The following MDH1B variants were observed in gnomAD, a reference collection of about 807,000 sequenced individuals.
The protein encoded by MDH1B is malate dehydrogenase 1B.
A neutral mutation model predicts 61.4 loss-of-function variants in MDH1B; 60 were observed. The observed-to-expected ratio is 0.98, with a 90% confidence interval of 0.79 to 1.21. The LOEUF is 1.21. Ranked by LOEUF, MDH1B falls within the 50% of genes most tolerant of loss-of-function variation. The probability of loss-of-function intolerance (pLI) is 0.00; values close to 1 mark genes in which losing one functional copy is unlikely to be tolerated. For synonymous variants in MDH1B, 236 were observed against 218.7 expected (o/e 1.08, Z -0.70); for missense variants, 587 against 632.1 (o/e 0.93, Z 0.76).
At chr2:206,750,895 T>G in intron 6 of MDH1B, 39 bp downstream of exon 6, 1 of 1,487,238 alleles carries the variant, frequency 6.7e-7, no homozygotes, top group Non-Finnish European at 9.1e-7. Flanking sequence ...ACATTTATTT[T>G]AACATTGTCA....
At chr2:206,739,763 C>T in intron 10 of MDH1B, 102 bp from the exon 11 acceptor site, 1 of 996,836 alleles carries the variant, frequency 1.0e-6, no homozygotes, top group Non-Finnish European at 1.5e-6. Flanking sequence ...TCTGAGGTTT[C>T]TCTGAATGCA....
At position 206,746,401 on chromosome 2, in the gene MDH1B, G is replaced by A. The variant is rs367748622; in HGVS notation, c.1242C>T (p.Ile414=). The A allele has an allele frequency of 1.4e-5, 23 of 1,613,222 alleles. No homozygotes were observed. Among genetic ancestry groups the A allele is most frequent in the East Asian group, 2.2e-5 (1 of 44,832 alleles). ...SEGQFGIPKG[I]VFSMPVKFEN... is the part of the protein sequence containing the mutation. ...CAAATTTCACAGGCATAGAAAAGAC[G>A]ATCCCTTTCGGAATACCAAACTGGC... The change falls in exon 8 of 12, where the codon ATC becomes ATT. Residue 414 remains isoleucine, a synonymous_variant. Coordinates refer to ENST00000374412, the MANE Select transcript of MDH1B (RefSeq NM_001039845.3).
chr2:206,746,909 C>T (rs1688141792), intron 7 of MDH1B, among the ~76,000 whole-genome samples: 1 of 152,130 alleles, frequency 6.6e-6, no homozygotes, highest in South Asian at 2.1e-4. Flanking sequence ...TGTGCGTTTG[C>T]TTCATGGGGG....
chr2:206,744,210 A>G (rs574753519), intron 9 of MDH1B, among the ~76,000 whole-genome samples: 1 of 152,294 alleles, frequency 6.6e-6, no homozygotes, highest in African/African-American at 2.4e-5. Context: ...AGCAGCCAAC[A>G]TTTACTCCTC....
chr2:206,740,614 G>GAT (rs941548764), intron 10 of MDH1B, among the ~76,000 whole-genome samples: 4 of 152,090 alleles, frequency 2.6e-5, no homozygotes, highest in South Asian at 2.1e-4. Flanking sequence ...TATATGATGA[G>GAT]ATATATATAC....
Position 206,738,484 on chromosome 2 carries a change from T to C in MDH1B, c.1556A>G (p.Ter519=). The part of the protein sequence containing the change: ...NEFEGKTVES[*] Reference sequence around the variant, plus strand: ...ATATATTTCATCCAATTTGATCTGTTAGGATTCCACGGTTTTGCCTTCAAA... The same window carrying C: ...ATATATTTCATCCAATTTGATCTGTCAGGATTCCACGGTTTTGCCTTCAAA... The change falls in exon 12 of 12, where the codon TAA becomes TGA. Residue 519 remains the stop codon, a stop_retained_variant. Transcript: ENST00000374412. 4 of 1,582,104 alleles carry C rather than the reference T, an allele frequency of 2.5e-6. No homozygotes were observed. The highest frequency in any genetic ancestry group is 3.5e-6 in the Non-Finnish European group (4 of 1,158,760).
intron 7 of MDH1B, among the ~76,000 whole-genome samples, chr2:206,747,169 AACAAC>A (rs1688163108): frequency 6.6e-6 from 1 of 151,840 alleles, no homozygotes; most frequent in East Asian, 1.9e-4. Context: ...AAAAACAAAC[AACAAC>A]AACAACAACA....
intron 6 of MDH1B, 88 bp downstream of exon 6, chr2:206,750,846 A>C: frequency 8.7e-7 from 1 of 1,152,850 alleles, no homozygotes; most frequent in Non-Finnish European, 1.2e-6. Context: ...ATTTTTGTAC[A>C]AAGATTTATG....
At position 206,755,330 on chromosome 2, in the gene MDH1B, T is replaced by C; in HGVS notation, c.589A>G (p.Ile197Val). 1 of 1,614,190 alleles carries C rather than the reference T, an allele frequency of 6.2e-7. No homozygotes were observed. The highest frequency in any genetic ancestry group is 1.1e-5 in the South Asian group (1 of 91,088). ...AAGGCCTCCTCCACCTTCGTGCAGA[T>C]GGAGACACTGCGCAGGACGGGAGAT... ...LASPVLRSVS[I>V]CTKVEEAFRQ... Residue 197 changes from isoleucine to valine, a missense_variant, in exon 5 of 12, where the codon ATC (isoleucine) becomes GTC (valine). Coordinates refer to ENST00000374412, the MANE Select transcript of MDH1B (RefSeq NM_001039845.3).
At chr2:206,744,947 TAAA>T (rs1023998800) in intron 9 of MDH1B, among the ~76,000 whole-genome samples, 1 of 141,760 alleles carries the variant, frequency 7.1e-6, no homozygotes, top group Non-Finnish European at 1.5e-5. Flanking sequence ...AATAAATAAA[TAAA>T]ATATATATAT....
chr2:206,743,629 T>G (rs1036365247), intron 9 of MDH1B, among the ~76,000 whole-genome samples: 1 of 152,194 alleles, frequency 6.6e-6, no homozygotes, highest in Non-Finnish European at 1.5e-5. Flanking sequence ...ATTTTAGATA[T>G]CACACAGGTA....
At chr2:206,749,818 G>GT (rs1688330537) in intron 6 of MDH1B, among the ~76,000 whole-genome samples, 1 of 152,214 alleles carries the variant, frequency 6.6e-6, no homozygotes, top group Non-Finnish European at 1.5e-5. Context: ...TTTTCCACTT[G>GT]TGGCATCATG....
chr2:206,764,365 T>A (rs1399851596), intron 1 of MDH1B, among the ~76,000 whole-genome samples: 4 of 151,946 alleles, frequency 2.6e-5, no homozygotes, highest in Admixed American at 2.6e-4. Flanking sequence ...AGAGATCAAA[T>A]AAGTCAAAGA....
chr2:206,740,203 G>T (rs1396621923), intron 10 of MDH1B, among the ~76,000 whole-genome samples: 1 of 152,046 alleles, frequency 6.6e-6, no homozygotes, highest in African/African-American at 2.4e-5. Flanking sequence ...CGTAACTTTT[G>T]ACTCCCCCAA....
rs189208827 is a variant in MDH1B at position 206,749,090 on chromosome 2, G to A, written c.1146C>T (p.Ala382=). 584 of 1,613,700 alleles carry A rather than the reference G, an allele frequency of 3.6e-4. No homozygotes were observed. The highest frequency in any genetic ancestry group is 1.7e-3 in the Middle Eastern group (10 of 6,060). ...FGGILAAHSI[A]TTLKYWYHGS... ...CATGGTACCAGTATTTCAGTGTAGT[G>A]GCTATACTGTGTGCAGCCAAAATGC... Residue 382 remains alanine (A), a synonymous_variant, in exon 7 of 12, where the codon GCC becomes GCT. Transcript: ENST00000374412.
In MDH1B at chr2:206,746,348, T is replaced by A; in HGVS notation, c.1295A>T (p.Asp432Val). ...TTCACTTATTTCAACATCTTTGAGA[T>A]CTGTAAGAACCACCCAAGTTCCATT... Reference protein sequence around the residue: ...FENGTWVVLTDLKDVEISEQI... With the variant: ...FENGTWVVLTVLKDVEISEQI... The change falls in exon 8 of 12, where the codon GAT (aspartate) becomes GTT (valine). Residue 432 changes from aspartate (D) to valine (V), a missense_variant. Coordinates refer to ENST00000374412, the MANE Select transcript of MDH1B (RefSeq NM_001039845.3). 6.2e-7 allele frequency: 1 copy of A among 1,613,930 alleles called. No individual in the cohort carries two copies. Among genetic ancestry groups the A allele is most frequent in the Non-Finnish European group, 8.5e-7 (1 of 1,179,932 alleles).
chr2:206,753,491 C>T (rs910742398), intron 5 of MDH1B, among the ~76,000 whole-genome samples: 21 of 152,110 alleles, frequency 1.4e-4, no homozygotes, highest in African/African-American at 4.6e-4. Context: ...AGAAGGAGTC[C>T]TGACGAGCCA....
Position 206,739,576 on chromosome 2 carries a change from T to C in MDH1B, c.1528+17A>G. On this transcript the variant is annotated intron_variant, in intron 11 of 11. Transcript: ENST00000374412. ...TAGAATAAGAAAATACTAGTTAATG[T>C]TTTGTCTACCACCTACCATTTAGGA... The C allele has an allele frequency of 6.2e-7, 1 of 1,609,140 alleles. No individual in the cohort carries two copies. Among genetic ancestry groups the C allele is most frequent in the Non-Finnish European group, 8.5e-7 (1 of 1,175,676 alleles).
At chr2:206,754,690 T>A (rs1311276269) in intron 5 of MDH1B, among the ~76,000 whole-genome samples, 2 of 152,184 alleles carry the variant, frequency 1.3e-5, no homozygotes, top group Non-Finnish European at 2.9e-5. Context: ...TGATTTTTTT[T>A]AAAACACTGG....
Sources: gnomAD v4.1 joint callset for allele counts (sites outside exome capture counted in the v4.1 genomes callset) on GRCh38, gnomAD v4.1.1 for gene constraint, MANE v1.5 for transcripts, NCBI Gene and HGNC (gene_info 2026-07-23, HGNC 2026-07-21) for gene names.